The following PLCG2 variants were observed in gnomAD, a reference collection of about 807,000 sequenced individuals.
PLCG2 encodes 1-phosphatidylinositol 4,5-bisphosphate phosphodiesterase gamma-2.
Under a neutral mutation model 175.6 loss-of-function variants are expected in PLCG2, and 69 were observed. That is an observed-to-expected ratio of 0.39 (90% CI 0.32 to 0.48). PLCG2 has a LOEUF of 0.48. PLCG2 is among the 20% of genes least tolerant of loss of function. The pLI is 0.91. For synonymous variants in PLCG2, 827 were observed against 624.0 expected, an observed-to-expected ratio of 1.33 and a Z score of -4.85; for missense variants, 1,798 against 1,650.9, an observed-to-expected ratio of 1.09 and a Z score of -1.54.
chr16:81,934,691 G>T (rs193286740), intron 26 of PLCG2, among the ~76,000 whole-genome samples, 160 bp downstream of exon 26: 2 of 152,158 alleles, frequency 1.3e-5, no homozygotes, highest in African/African-American at 4.8e-5. Context: ...GAGGGAGCTG[G>T]TGGCAGAAGC....
chr16:81,799,263 C>A (rs1202700803), intron 2 of PLCG2, among the ~76,000 whole-genome samples: 1 of 151,798 alleles, frequency 6.6e-6, no homozygotes, highest in Non-Finnish European at 1.5e-5. Flanking sequence ...GGTGTTAACA[C>A]CTGGTGTACC....
At chr16:81,849,924 C>T (rs1906322791) in intron 2 of PLCG2, among the ~76,000 whole-genome samples, 1 of 152,074 alleles carries the variant, frequency 6.6e-6, no homozygotes, top group African/African-American at 2.4e-5. Context: ...GGGTGAATAA[C>T]TAACTTTGGA....
At chr16:81,899,004 A>G (rs551564357) in intron 13 of PLCG2, among the ~76,000 whole-genome samples, 1 of 152,282 alleles carries the variant, frequency 6.6e-6, no homozygotes, top group Non-Finnish European at 1.5e-5. Flanking sequence ...CCTGGCCAAC[A>G]TGGTGAAACC....
upstream of PLCG2, among the ~76,000 whole-genome samples, chr16:81,778,623 C>A (rs1362176497): frequency 6.6e-6 from 1 of 152,034 alleles, no homozygotes; most frequent in Non-Finnish European, 1.5e-5. Context: ...CTCCTGACTC[C>A]CTTTGGGGCT....
intron 2 of PLCG2, among the ~76,000 whole-genome samples, chr16:81,771,666 TG>T: frequency 6.6e-6 from 1 of 152,146 alleles, no homozygotes; most frequent in Middle Eastern, 3.4e-3. Flanking sequence ...TGGGTTGAAT[TG>T]TGACCCCCCC....
intron 2 of PLCG2, chr16:81,798,553 G>A (rs1911576561): frequency 6.6e-6 from 1 of 152,290 alleles, no homozygotes; most frequent in Non-Finnish European, 1.5e-5. Flanking sequence ...CACAGCCTGG[G>A]GGCCACTCCA....
intron 31 of PLCG2, among the ~76,000 whole-genome samples, chr16:81,953,592 T>G (rs539325122): frequency 6.6e-6 from 1 of 152,174 alleles, no homozygotes; most frequent in Admixed American, 6.5e-5. Context: ...CATTTTCTAA[T>G]AAAACAAACT....
At chr16:81,779,503 G>C (rs1910632252) in intron 1 of PLCG2, 79 bp downstream of exon 1, 2 of 151,790 alleles carry the variant, frequency 1.3e-5, no homozygotes, top group African/African-American at 2.4e-5. Context: ...CCAGGGCGCT[G>C]CGTCCGAGGG....
At chr16:81,921,815 C>G (rs1197775733) in intron 21 of PLCG2, among the ~76,000 whole-genome samples, 1 of 152,244 alleles carries the variant, frequency 6.6e-6, no homozygotes, top group Non-Finnish European at 1.5e-5. Flanking sequence ...GTACAACGCT[C>G]ACTTAGGAAG....
At chr16:81,829,857 T>C (rs567983703) in intron 2 of PLCG2, among the ~76,000 whole-genome samples, 1 of 152,062 alleles carries the variant, frequency 6.6e-6, no homozygotes, top group Admixed American at 6.6e-5. Context: ...GGAAGGAACC[T>C]CTGAGTGGGG....
intron 2 of PLCG2, among the ~76,000 whole-genome samples, chr16:81,849,620 A>G (rs547412601): frequency 6.6e-6 from 1 of 152,006 alleles, no homozygotes; most frequent in African/African-American, 2.4e-5. Context: ...CACACACACA[A>G]ATTTTCCAGG....
At position 81,791,441 on chromosome 16, in the gene PLCG2, C is replaced by T. The variant is rs750698375; in HGVS notation, c.193+5259C>T. On this transcript the variant is annotated intron_variant, in intron 2 of 32. Coordinates refer to ENST00000564138, the MANE Select transcript of PLCG2 (RefSeq NM_002661.5). Reference sequence around the variant, plus strand: ...CTGGGCAGAGCTCAGCTGGGCAATTCTTCTACTCTTTGTAGCCTGGACTGA... The same window carrying T: ...CTGGGCAGAGCTCAGCTGGGCAATTTTTCTACTCTTTGTAGCCTGGACTGA... Among the ~76,000 whole-genome samples, 104 of 152,162 alleles carry T rather than the reference C, an allele frequency of 6.8e-4. 2 individuals are homozygous for T. The highest frequency in any genetic ancestry group is 5.9e-4 in the Non-Finnish European group (40 of 68,024).
At chr16:81,892,266 G>T (rs182796672) in intron 11 of PLCG2, among the ~76,000 whole-genome samples, 1 of 152,178 alleles carries the variant, frequency 6.6e-6, no homozygotes, top group Non-Finnish European at 1.5e-5. Flanking sequence ...GAGAGCTGTC[G>T]GGGAGACCCT....
intron 15 of PLCG2, among the ~76,000 whole-genome samples, chr16:81,906,656 T>C (rs966409967): frequency 1.3e-5 from 2 of 152,194 alleles, no homozygotes; most frequent in East Asian, 1.9e-4. Context: ...ACTCCTGATC[T>C]CAAGTGGTCT....
At chr16:81,868,192 G>C (rs962591011) in intron 5 of PLCG2, among the ~76,000 whole-genome samples, 2 of 152,154 alleles carry the variant, frequency 1.3e-5, no homozygotes, top group African/African-American at 4.8e-5. Context: ...TCAACCATGT[G>C]TACTTTGCAG....
intron 22 of PLCG2, among the ~76,000 whole-genome samples, chr16:81,925,480 C>G (rs532579128): frequency 2.0e-5 from 3 of 152,154 alleles, no homozygotes; most frequent in African/African-American, 7.2e-5. Context: ...GCTTACAACC[C>G]GCAGTCCTGT....
chr16:81,891,140 G>T (rs948141814), intron 10 of PLCG2, among the ~76,000 whole-genome samples: 2 of 152,134 alleles, frequency 1.3e-5, no homozygotes, highest in African/African-American at 4.8e-5. Context: ...TCCAGCCTGG[G>T]CAACAGAGCA....
At chr16:81,861,904 C>T (rs184998653) in intron 5 of PLCG2, among the ~76,000 whole-genome samples, 1 of 152,204 alleles carries the variant, frequency 6.6e-6, no homozygotes, top group Non-Finnish European at 1.5e-5. Context: ...TGGTCCAGGA[C>T]CCTCTGCAGA....
chr16:81,741,193 T>C (rs12446319), intron 1 of PLCG2, among the ~76,000 whole-genome samples: 63,902 of 151,934 alleles, frequency 0.42, 13,865 homozygotes, highest in East Asian at 0.73. Context: ...AGCTCGCTTA[T>C]AAGAGGAAAC....
Sources: allele counts gnomAD v4.1 joint callset (sites outside exome capture counted in the v4.1 genomes callset), GRCh38; gene constraint gnomAD v4.1.1; transcripts MANE v1.5; gene names NCBI Gene and HGNC (gene_info 2026-07-23, HGNC 2026-07-21).